Variants in NTNG1 observed in about 807,000 individuals in gnomAD.
NTNG1 encodes the protein netrin G1, also known as netrin-G1.
A neutral mutation model predicts 54.0 loss-of-function variants in NTNG1; 16 were observed. The observed-to-expected ratio is 0.30, with a 90% confidence interval of 0.20 to 0.45. NTNG1 has a LOEUF of 0.45. Among genes scored for constraint, NTNG1 ranks in the 20% least tolerant of loss-of-function variants. NTNG1 has a pLI of 1.00. For missense variants in NTNG1, 530 were observed against 678.7 expected (o/e 0.78, Z 2.43); for synonymous variants, 255 against 263.1 (o/e 0.97, Z 0.30).
chr1:107,438,620 C>G (rs946451945), intron 7 of NTNG1, among the ~76,000 whole-genome samples: 2 of 152,138 alleles, frequency 1.3e-5, no homozygotes, highest in Non-Finnish European at 2.9e-5. Flanking sequence ...AGACACACTT[C>G]TCAAAGAGAA....
chr1:107,199,325 T>C (rs1014377362), intron 2 of NTNG1, among the ~76,000 whole-genome samples: 7 of 76,762 alleles, frequency 9.1e-5, no homozygotes, highest in African/African-American at 1.4e-4. Context: ...ACATTACATA[T>C]GTTGTATTTA....
At chr1:107,229,556 G>T (rs900272444) in intron 2 of NTNG1, among the ~76,000 whole-genome samples, 1 of 151,568 alleles carries the variant, frequency 6.6e-6, no homozygotes, top group Admixed American at 6.6e-5. Flanking sequence ...TATGGAAAGG[G>T]TTCTGCTCTG....
chr1:107,226,462 A>G (rs1347776736), intron 2 of NTNG1, among the ~76,000 whole-genome samples: 1 of 152,160 alleles, frequency 6.6e-6, no homozygotes, highest in East Asian at 1.9e-4. Context: ...TTTATTAGGA[A>G]TAAAACACAT....
intron 2 of NTNG1, among the ~76,000 whole-genome samples, chr1:107,207,243 C>G (rs1028329680): frequency 6.6e-6 from 1 of 152,170 alleles, no homozygotes; most frequent in Non-Finnish European, 1.5e-5. Context: ...AGGAAACACT[C>G]TTCCTGGCAC....
chr1:107,357,363 A>G (rs949452150), intron 3 of NTNG1, among the ~76,000 whole-genome samples: 4 of 151,890 alleles, frequency 2.6e-5, no homozygotes, highest in African/African-American at 9.7e-5. Flanking sequence ...AAAGGGAAGA[A>G]AAGCTAAACA....
At chr1:107,265,289 A>T (rs1663656976) in intron 2 of NTNG1, among the ~76,000 whole-genome samples, 1 of 152,104 alleles carries the variant, frequency 6.6e-6, no homozygotes, top group Non-Finnish European at 1.5e-5. Context: ...AAACTGTTAC[A>T]AATTCACCCC....
At chr1:107,407,485 C>T (rs1673503492) in intron 4 of NTNG1, among the ~76,000 whole-genome samples, 197 bp from the exon 5 acceptor site, 2 of 140,180 alleles carry the variant, frequency 1.4e-5, no homozygotes, top group Middle Eastern at 6.9e-3. Context: ...GTTTCAATTG[C>T]TGGAAATTGT....
intron 7 of NTNG1, among the ~76,000 whole-genome samples, chr1:107,469,435 G>C (rs776040838): frequency 6.6e-6 from 1 of 151,926 alleles, no homozygotes; most frequent in Admixed American, 6.6e-5. Context: ...TCCACCATTC[G>C]GAAACAGGCA....
At chr1:107,379,866 A>G (rs1671538179) in intron 3 of NTNG1, among the ~76,000 whole-genome samples, 1 of 152,222 alleles carries the variant, frequency 6.6e-6, no homozygotes, top group Non-Finnish European at 1.5e-5. Context: ...GACTTGAGAT[A>G]GAAGACCAGG....
intron 3 of NTNG1, among the ~76,000 whole-genome samples, chr1:107,357,139 C>T (rs550435714): frequency 6.6e-6 from 1 of 152,306 alleles, no homozygotes; most frequent in South Asian, 2.1e-4. Flanking sequence ...AGGCCCCACC[C>T]CAGTCAGAAT....
At chr1:107,473,973 A>T (rs1398577532) in intron 7 of NTNG1, among the ~76,000 whole-genome samples, 2 of 152,244 alleles carry the variant, frequency 1.3e-5, no homozygotes, top group Non-Finnish European at 2.9e-5. Context: ...ACATCAGAGG[A>T]TTATAGTATG....
intron 3 of NTNG1, among the ~76,000 whole-genome samples, chr1:107,350,080 A>C (rs1054090605): frequency 6.6e-6 from 1 of 152,140 alleles, no homozygotes; most frequent in African/African-American, 2.4e-5. Context: ...CAAACTTATT[A>C]ATTTTTTTCA....
rs754614138 is a variant in NTNG1 at position 107,407,721 on chromosome 1, A to C, written c.1087+13A>C. On this transcript the variant is annotated intron_variant, in intron 5 of 7. Transcript: ENST00000370068. ...TCCAGTATTGGTAGTAAGTAAAAAC[A>C]AAAACAAAAAAAACACCAAACCAAG... 2 of 1,603,604 alleles carry C rather than the reference A, an allele frequency of 1.2e-6. No individual in the cohort carries two copies. Among genetic ancestry groups the C allele is most frequent in the African/African-American group, 2.7e-5 (2 of 74,602 alleles).
chr1:107,437,202 C>T (rs564288489), intron 7 of NTNG1, among the ~76,000 whole-genome samples: 127 of 152,294 alleles, frequency 8.3e-4, no homozygotes, highest in African/African-American at 3.0e-3. Context: ...ATGATATCTA[C>T]ATAACTTATT....
chr1:107,322,764 C>T lies in NTNG1; in HGVS notation c.247-1518C>T, dbSNP rs183989009. ...TGAGAGAGAAGTACAGAAACATTTT[C>T]ATTATCACTGATTCCTTGAGTGTAT... On this transcript the variant is annotated intron_variant, in intron 2 of 7. Coordinates refer to ENST00000370068, the MANE Select transcript of NTNG1 (RefSeq NM_001113226.3). 2.5e-3 allele frequency among the ~76,000 whole-genome samples: 380 copies of T among 152,172 alleles called. 1 individual carries two copies. Among genetic ancestry groups the T allele is most frequent in the Non-Finnish European group, 3.8e-3 (255 of 67,994 alleles).
At chr1:107,444,757 A>G (rs1364561964) in intron 7 of NTNG1, among the ~76,000 whole-genome samples, 1 of 152,162 alleles carries the variant, frequency 6.6e-6, no homozygotes, top group African/African-American at 2.4e-5. Flanking sequence ...GCTGGTGCTC[A>G]TGGAAAAATG....
intron 2 of NTNG1, among the ~76,000 whole-genome samples, chr1:107,320,189 TTTAA>T (rs776406641): frequency 4.6e-5 from 7 of 152,278 alleles, no homozygotes; most frequent in Admixed American, 2.0e-4. Context: ...GCAATAGCTG[TTTAA>T]TTATTTAGGC....
At chr1:107,480,553 T>C (rs538767179) in intron 7 of NTNG1, 58 bp from the exon 8 acceptor site, 10 of 1,031,128 alleles carry the variant, frequency 9.7e-6, no homozygotes, top group African/African-American at 3.1e-5. Context: ...TGAACTTCAA[T>C]TGATTCTGCT....
chr1:107,171,486 G>A (rs551715649), intron 2 of NTNG1, among the ~76,000 whole-genome samples: 28 of 152,186 alleles, frequency 1.8e-4, no homozygotes, highest in East Asian at 1.4e-3. Flanking sequence ...TGAGATTCAA[G>A]TTTTTCTCTC....
Sources: gnomAD v4.1 joint callset for allele counts (sites outside exome capture counted in the v4.1 genomes callset) on GRCh38, gnomAD v4.1.1 for gene constraint, MANE v1.5 for transcripts, NCBI Gene and HGNC (gene_info 2026-07-23, HGNC 2026-07-21) for gene names.